The following OPCML variants were observed in gnomAD, a reference collection of about 807,000 sequenced individuals.
OPCML encodes the protein opioid binding protein/cell adhesion molecule like.
OPCML carries 13 observed loss-of-function variants against 37.8 expected under a neutral mutation model. The observed-to-expected ratio is 0.34, with a 90% confidence interval of 0.22 to 0.55. OPCML has a LOEUF of 0.55. OPCML is among the 20% of genes least tolerant of loss of function. The pLI, the probability that OPCML is intolerant of heterozygous loss-of-function variation, is 0.91. For missense variants in OPCML, 341 were observed against 435.6 expected, an observed-to-expected ratio of 0.78 and a Z score of 1.93; for synonymous variants, 176 against 168.8, an observed-to-expected ratio of 1.04 and a Z score of -0.33.
chr11:132,424,150 C>T (rs1466556955), intron 7 of OPCML, among the ~76,000 whole-genome samples: 3 of 150,994 alleles, frequency 2.0e-5, no homozygotes, highest in South Asian at 2.1e-4. Context: ...GATGGAGTCT[C>T]GCTCTGTCGC....
At chr11:132,699,271 A>G (rs1943716316) in intron 2 of OPCML, among the ~76,000 whole-genome samples, 1 of 152,058 alleles carries the variant, frequency 6.6e-6, no homozygotes, top group Non-Finnish European at 1.5e-5. Context: ...GGCATTTTCT[A>G]TATTTAAGAT....
At chr11:133,354,640 A>G (rs921121074) in intron 1 of OPCML, among the ~76,000 whole-genome samples, 1 of 152,198 alleles carries the variant, frequency 6.6e-6, no homozygotes, top group African/African-American at 2.4e-5. Flanking sequence ...AACAGCTGTC[A>G]TCTCTCATTT....
At chr11:132,616,226 T>C (rs1306160429) in intron 3 of OPCML, among the ~76,000 whole-genome samples, 4 of 152,226 alleles carry the variant, frequency 2.6e-5, no homozygotes, top group Non-Finnish European at 5.9e-5. Flanking sequence ...CCTTGAGTAG[T>C]AAAAGGAAGC....
intron 1 of OPCML, among the ~76,000 whole-genome samples, chr11:133,483,973 G>A (rs867707740): frequency 3.4e-5 from 5 of 149,138 alleles, no homozygotes; most frequent in African/African-American, 1.2e-4. Flanking sequence ...ATATAGATAG[G>A]TAGATAGAAA....
At chr11:133,505,118 C>T (rs570139228) in intron 1 of OPCML, among the ~76,000 whole-genome samples, 2 of 152,310 alleles carry the variant, frequency 1.3e-5, no homozygotes, top group South Asian at 2.1e-4. Flanking sequence ...GAAGGACCCT[C>T]GACCTCATCA....
intron 1 of OPCML, among the ~76,000 whole-genome samples, chr11:133,069,649 G>A (rs1022563830): frequency 6.6e-6 from 1 of 152,202 alleles, no homozygotes; most frequent in Non-Finnish European, 1.5e-5. Context: ...GTGAGAGCAT[G>A]TGTGTGTGCA....
At chr11:132,825,985 G>A (rs749122607) in intron 2 of OPCML, among the ~76,000 whole-genome samples, 32 of 152,140 alleles carry the variant, frequency 2.1e-4, no homozygotes, top group Non-Finnish European at 2.9e-5. Context: ...ACCACTCAGG[G>A]TTTTGTATGC....
At chr11:132,733,694 G>A (rs538263400) in intron 2 of OPCML, among the ~76,000 whole-genome samples, 1 of 152,288 alleles carries the variant, frequency 6.6e-6, no homozygotes, top group South Asian at 2.1e-4. Flanking sequence ...AAGAATTTGA[G>A]TGTCACATTG....
intron 4 of OPCML, among the ~76,000 whole-genome samples, chr11:132,490,121 TG>T (rs943064071): frequency 6.6e-6 from 1 of 151,900 alleles, no homozygotes; most frequent in Admixed American, 6.6e-5. Context: ...TCCAAGTCTT[TG>T]CTATTGTGAA....
At chr11:132,995,054 T>C (rs547235453) in intron 1 of OPCML, among the ~76,000 whole-genome samples, 2 of 152,310 alleles carry the variant, frequency 1.3e-5, no homozygotes, top group East Asian at 1.9e-4. Context: ...CTTTCCTCTC[T>C]ACCAGGGCAC....
chr11:132,935,047 G>A lies in OPCML; in HGVS notation c.146+7879C>T, dbSNP rs962515030. ...CCAGCTACTCAGGAGGCTGAGGCAG[G>A]AGAATCGCTTGAACCCAGGAGGTGG... On this transcript the variant is annotated intron_variant, in intron 2 of 7. Transcript: ENST00000524381. Among the ~76,000 whole-genome samples the A allele has an allele frequency of 3.3e-5, 5 of 151,788 alleles. No homozygotes were observed. The East Asian group carries it at 5.8e-4, about 18-fold the overall frequency.
intron 3 of OPCML, among the ~76,000 whole-genome samples, chr11:132,622,450 T>C (rs567651532): frequency 6.6e-6 from 1 of 152,088 alleles, no homozygotes; most frequent in Non-Finnish European, 1.5e-5. Flanking sequence ...ATGGAAAAGA[T>C]TAAAAGGAAG....
chr11:133,107,931 G>A (rs1397635047), intron 1 of OPCML, among the ~76,000 whole-genome samples: 1 of 152,194 alleles, frequency 6.6e-6, no homozygotes, highest in Non-Finnish European at 1.5e-5. Context: ...ACATCTAGCT[G>A]AGACCACAGA....
intron 1 of OPCML, among the ~76,000 whole-genome samples, chr11:132,969,780 T>C (rs1341348829): frequency 6.6e-6 from 1 of 152,208 alleles, no homozygotes; most frequent in Non-Finnish European, 1.5e-5. Flanking sequence ...CTCAATTACG[T>C]CTTATCAATA....
At chr11:133,202,886 C>T (rs1938860523) in intron 1 of OPCML, among the ~76,000 whole-genome samples, 1 of 152,252 alleles carries the variant, frequency 6.6e-6, no homozygotes, top group Non-Finnish European at 1.5e-5. Flanking sequence ...CCCGGACATG[C>T]AGCTCAGCGC....
chr11:132,862,307 T>G (rs1455313687), intron 2 of OPCML, among the ~76,000 whole-genome samples: 2 of 152,126 alleles, frequency 1.3e-5, no homozygotes, highest in Non-Finnish European at 2.9e-5. Context: ...GGAACCAAGT[T>G]TCGGGTAGGC....
intron 4 of OPCML, among the ~76,000 whole-genome samples, chr11:132,493,694 AG>A (rs1361766071): frequency 1.3e-5 from 2 of 152,232 alleles, no homozygotes; most frequent in African/African-American, 4.8e-5. Flanking sequence ...CTGAAGAAAA[AG>A]AATTGCCAAT....
At chr11:133,097,106 C>G (rs1292017153) in intron 1 of OPCML, among the ~76,000 whole-genome samples, 1 of 152,152 alleles carries the variant, frequency 6.6e-6, no homozygotes, top group Admixed American at 6.5e-5. Context: ...ACATTCTTCT[C>G]AAGCTCATGT....
Position 133,119,880 on chromosome 11 carries a change from G to A in OPCML, c.62-176870C>T, listed in dbSNP as rs551705263. ...GGAGCAGGTAGCGGGAAAGGTGAGCGGGAAAGGGCAGGTAGGGCTGCAGGG... is the reference window on the plus strand; with the variant it reads ...GGAGCAGGTAGCGGGAAAGGTGAGCAGGAAAGGGCAGGTAGGGCTGCAGGG... On this transcript the variant is annotated intron_variant, in intron 1 of 7. Transcript: ENST00000524381. 1.7e-3 allele frequency among the ~76,000 whole-genome samples: 254 copies of A among 152,292 alleles called. 8 individuals carry two copies. Among genetic ancestry groups the A allele is most frequent in the Admixed American group, 0.016 (249 of 15,294 alleles).
Sources: allele counts gnomAD v4.1 joint callset (sites outside exome capture counted in the v4.1 genomes callset), GRCh38; gene constraint gnomAD v4.1.1; transcripts MANE v1.5; gene names NCBI Gene and HGNC (gene_info 2026-07-23, HGNC 2026-07-21).